ZNF385B: variants seen among roughly 807,000 people sequenced by gnomAD.
ZNF385B encodes the protein zinc finger protein 385B.
Under a neutral mutation model 39.2 loss-of-function variants are expected in ZNF385B, and 23 were observed. The ratio of observed to expected loss-of-function variants is 0.59; its 90% CI spans 0.42 to 0.83. ZNF385B has a LOEUF of 0.83. ZNF385B is among the 40% of genes least tolerant of loss of function. The pLI, the probability that ZNF385B is intolerant of heterozygous loss-of-function variation, is 0.00. For missense variants in ZNF385B, 552 were observed against 598.9 expected, an observed-to-expected ratio of 0.92 and a Z score of 0.82; for synonymous variants, 205 against 222.6, an observed-to-expected ratio of 0.92 and a Z score of 0.70.
intron 3 of ZNF385B, among the ~76,000 whole-genome samples, chr2:179,726,904 T>C (rs2106417628): frequency 6.6e-6 from 1 of 152,244 alleles, no homozygotes; most frequent in South Asian, 2.1e-4. Flanking sequence ...GTAGTGCAAC[T>C]GGATGTTGAC....
chr2:179,502,350 T>C (rs376730901), intron 5 of ZNF385B, among the ~76,000 whole-genome samples: 22 of 152,274 alleles, frequency 1.4e-4, no homozygotes, highest in African/African-American at 4.8e-4. Flanking sequence ...AGGGGAGGAA[T>C]AATATGGTTT....
intron 1 of ZNF385B, among the ~76,000 whole-genome samples, chr2:179,793,945 A>G (rs1292246709): frequency 6.6e-6 from 1 of 152,262 alleles, no homozygotes; most frequent in African/African-American, 2.4e-5. Flanking sequence ...TGTCAATGTT[A>G]GCTATTATAT....
At chr2:179,564,909 C>T (rs1684380403) in intron 3 of ZNF385B, among the ~76,000 whole-genome samples, 1 of 152,148 alleles carries the variant, frequency 6.6e-6, no homozygotes, top group Non-Finnish European at 1.5e-5. Context: ...GATATTTCTT[C>T]TCTGCTGGTC....
At chr2:179,772,710 G>T (rs1704082167) in intron 1 of ZNF385B, among the ~76,000 whole-genome samples, 1 of 152,216 alleles carries the variant, frequency 6.6e-6, no homozygotes, top group South Asian at 2.1e-4. Flanking sequence ...TGGAAGAAGA[G>T]AGAAAAATCT....
At chr2:179,725,561 T>TAAA (rs1700952753) in intron 3 of ZNF385B, among the ~76,000 whole-genome samples, 1 of 151,670 alleles carries the variant, frequency 6.6e-6, no homozygotes, top group African/African-American at 2.4e-5. Context: ...AGTGTTGTCT[T>TAAA]TTTCACAGTA....
intron 3 of ZNF385B, among the ~76,000 whole-genome samples, chr2:179,687,475 T>C (rs1470303854): frequency 6.6e-6 from 1 of 152,178 alleles, no homozygotes; most frequent in Non-Finnish European, 1.5e-5. Flanking sequence ...TTGCATTACT[T>C]CAAGCTATAG....
chr2:179,580,478 T>A (rs1260593621), intron 3 of ZNF385B, among the ~76,000 whole-genome samples: 1 of 152,150 alleles, frequency 6.6e-6, no homozygotes, highest in African/African-American at 2.4e-5. Context: ...CTTACCCCCA[T>A]AATTCATATT....
chr2:179,723,511 A>C lies in ZNF385B; in HGVS notation c.298+45992T>G, dbSNP rs540858688. ...TTTTGCCGTACTAAATAAGCATTCA[A>C]AATGAATGAAATACAGCTACACATC... On this transcript the variant is annotated intron_variant, in intron 3 of 9. Transcript: ENST00000410066. 3.3e-5 allele frequency among the ~76,000 whole-genome samples: 5 copies of C among 152,314 alleles called. No homozygotes were observed. The South Asian group carries it at 1.0e-3, about 32-fold the overall frequency.
At chr2:179,815,695 C>A (rs1216432932) in intron 1 of ZNF385B, among the ~76,000 whole-genome samples, 1 of 152,070 alleles carries the variant, frequency 6.6e-6, no homozygotes, top group African/African-American at 2.4e-5. Context: ...TCACTAATGC[C>A]CCCGACATTT....
At chr2:179,459,822 G>A (rs1045905011) in intron 6 of ZNF385B, among the ~76,000 whole-genome samples, 18 of 150,932 alleles carry the variant, frequency 1.2e-4, no homozygotes, top group Non-Finnish European at 1.9e-4. Flanking sequence ...TATATATAGC[G>A]GCCAGGCGTG....
At chr2:179,499,781 C>A (rs908491576) in intron 5 of ZNF385B, among the ~76,000 whole-genome samples, 6 of 151,892 alleles carry the variant, frequency 4.0e-5, no homozygotes, top group Non-Finnish European at 7.4e-5. Flanking sequence ...TACTTGAAGT[C>A]CTAGCTAGAG....
chr2:179,693,171 C>T (rs1323154441), intron 3 of ZNF385B, among the ~76,000 whole-genome samples: 1 of 152,154 alleles, frequency 6.6e-6, no homozygotes, highest in Non-Finnish European at 1.5e-5. Context: ...ATTAGCCTAT[C>T]CCAGGAGCAA....
chr2:179,669,923 G>T (rs1477115037), intron 3 of ZNF385B, among the ~76,000 whole-genome samples: 1 of 152,120 alleles, frequency 6.6e-6, no homozygotes, highest in Non-Finnish European at 1.5e-5. Context: ...AGATAATGGT[G>T]GTGGTGTGGT....
intron 4 of ZNF385B, among the ~76,000 whole-genome samples, chr2:179,524,710 T>C (rs2058774279): frequency 6.6e-6 from 1 of 151,236 alleles, no homozygotes; most frequent in Non-Finnish European, 1.5e-5. Flanking sequence ...AGTTAAAAAG[T>C]GAAAAAGGTA....
At chr2:179,814,707 G>A (rs909716518) in intron 1 of ZNF385B, 1 of 244,660 alleles carries the variant, frequency 4.1e-6, no homozygotes, top group African/African-American at 2.3e-5. Flanking sequence ...TAAATGTTGT[G>A]GAGGCCTTTT....
chr2:179,503,592 C>T (rs961727138), intron 5 of ZNF385B, among the ~76,000 whole-genome samples: 2 of 152,194 alleles, frequency 1.3e-5, no homozygotes, highest in Non-Finnish European at 2.9e-5. Flanking sequence ...TCAACATTTA[C>T]AGATTTTAAT....
chr2:179,611,129 GA>G (rs1327857248), intron 3 of ZNF385B, among the ~76,000 whole-genome samples: 3 of 152,170 alleles, frequency 2.0e-5, no homozygotes, highest in Admixed American at 6.5e-5. Context: ...ATATTTTAGA[GA>G]AAAGGATTTC....
chr2:179,489,850 G>A lies in ZNF385B; in HGVS notation c.553-6416C>T, dbSNP rs969933376. ...TCACTTCATTCAATTCTCATCTATT[G>A]GGATTGTTGAAAACAAAGTCCAGAC... On this transcript the variant is annotated intron_variant, in intron 5 of 9. Transcript: ENST00000410066. Among the ~76,000 whole-genome samples the A allele has an allele frequency of 2.6e-5, 4 of 152,096 alleles. No individual in the cohort carries two copies. The East Asian group carries it at 7.7e-4, about 29-fold the overall frequency.
intron 3 of ZNF385B, among the ~76,000 whole-genome samples, chr2:179,684,765 C>A (rs1184765162): frequency 6.6e-6 from 1 of 152,228 alleles, no homozygotes; most frequent in African/African-American, 2.4e-5. Context: ...TCCACAATAA[C>A]CTATTTCCCC....
Sources: allele counts gnomAD v4.1 joint callset (sites outside exome capture counted in the v4.1 genomes callset), GRCh38; gene constraint gnomAD v4.1.1; transcripts MANE v1.5; gene names NCBI Gene and HGNC (gene_info 2026-07-23, HGNC 2026-07-21).